The following TMEM131 variants were observed in gnomAD, a reference collection of about 807,000 sequenced individuals.
TMEM131 encodes 2610524E03Rik.
TMEM131 carries 66 observed loss-of-function variants against 211.6 expected under a neutral mutation model. The ratio of observed to expected loss-of-function variants is 0.31; its 90% CI spans 0.26 to 0.38. The LOEUF is 0.38. Ranked by LOEUF, TMEM131 falls within the 10% of genes least tolerant of loss-of-function variation. TMEM131 has a pLI of 1.00. For synonymous variants in TMEM131, 844 were observed against 841.3 expected, an observed-to-expected ratio of 1.00 and a Z score of -0.06; for missense variants, 2,036 against 2,299.3, an observed-to-expected ratio of 0.89 and a Z score of 2.34.
chr2:97,921,079 A>G (rs1676722309), intron 2 of TMEM131, among the ~76,000 whole-genome samples: 1 of 152,098 alleles, frequency 6.6e-6, no homozygotes, highest in Non-Finnish European at 1.5e-5. Context: ...GAAGAATAAC[A>G]AAGTGTCAGG....
At chr2:97,761,017 G>T in intron 36 of TMEM131, 103 bp from the exon 37 acceptor site, 1 of 1,485,050 alleles carries the variant, frequency 6.7e-7, no homozygotes, top group Non-Finnish European at 9.2e-7. Flanking sequence ...CTTCTCTGCA[G>T]CGGGGCAGCT....
intron 11 of TMEM131, among the ~76,000 whole-genome samples, chr2:97,831,046 C>G (rs1015702330): frequency 6.6e-6 from 1 of 152,182 alleles, no homozygotes; most frequent in Admixed American, 6.5e-5. Context: ...GCTCTGAAAA[C>G]TCAGTTTCCA....
chr2:97,886,220 C>T (rs1675151106), intron 4 of TMEM131, among the ~76,000 whole-genome samples: 1 of 152,018 alleles, frequency 6.6e-6, no homozygotes, highest in Non-Finnish European at 1.5e-5. Context: ...CACTGAGATT[C>T]TTTAAGATTA....
chr2:97,810,917 T>C (rs1427734091), intron 18 of TMEM131, among the ~76,000 whole-genome samples: 1 of 152,220 alleles, frequency 6.6e-6, no homozygotes, highest in Non-Finnish European at 1.5e-5. Context: ...CTGAAGTTGC[T>C]TTTTAGGTTA....
chr2:97,833,999 TA>T (rs1421857733), intron 10 of TMEM131, among the ~76,000 whole-genome samples: 4 of 152,332 alleles, frequency 2.6e-5, no homozygotes, highest in Admixed American at 2.6e-4. Flanking sequence ...CAGACATTAC[TA>T]ATCTTTTAGC....
chr2:97,957,683 C>T (rs1226431436), intron 1 of TMEM131, among the ~76,000 whole-genome samples: 1 of 152,078 alleles, frequency 6.6e-6, no homozygotes, highest in Non-Finnish European at 1.5e-5. Flanking sequence ...ACTTCTATTC[C>T]AAAGGACAAA....
chr2:97,914,589 A>AG, intron 2 of TMEM131, among the ~76,000 whole-genome samples: 1 of 152,168 alleles, frequency 6.6e-6, no homozygotes, highest in East Asian at 1.9e-4. Context: ...CATGACTAAA[A>AG]TTTTTTCATT....
At chr2:97,791,178 T>TA (rs1680483408) in intron 31 of TMEM131, among the ~76,000 whole-genome samples, 2 of 152,244 alleles carry the variant, frequency 1.3e-5, no homozygotes, top group African/African-American at 4.8e-5. Context: ...TACTGGTTTT[T>TA]ACCTTTTGAT....
chr2:97,868,092 T>C (rs1171490653), intron 4 of TMEM131, among the ~76,000 whole-genome samples: 1 of 152,222 alleles, frequency 6.6e-6, no homozygotes, highest in Non-Finnish European at 1.5e-5. Flanking sequence ...GGAAGCTCCA[T>C]TGTTAGATGC....
At chr2:97,891,540 A>C (rs1675375486) in intron 3 of TMEM131, among the ~76,000 whole-genome samples, 1 of 152,134 alleles carries the variant, frequency 6.6e-6, no homozygotes, top group Non-Finnish European at 1.5e-5. Context: ...GAGATGAATG[A>C]AGACTATTTT....
At chr2:97,766,423 G>A (rs895438) in intron 34 of TMEM131, 55 bp downstream of exon 34, 562,876 of 1,610,342 alleles carry the variant, frequency 0.35, 110,598 homozygotes, top group Non-Finnish European at 0.4. Flanking sequence ...TTGTTAATAC[G>A]GTGCACTATG....
At chr2:97,938,543 C>T (rs1348695686) in intron 1 of TMEM131, among the ~76,000 whole-genome samples, 1 of 152,126 alleles carries the variant, frequency 6.6e-6, no homozygotes, top group Non-Finnish European at 1.5e-5. Context: ...CCTTAGACAC[C>T]TACAAAGAGA....
At chr2:97,762,288 A>G (rs547233709) in intron 35 of TMEM131, 88 bp from the exon 36 acceptor site, 9 of 1,334,354 alleles carry the variant, frequency 6.7e-6, no homozygotes, top group African/African-American at 1.5e-5. Flanking sequence ...AAGACTATGC[A>G]TAACTCAAGC....
At chr2:97,879,301 G>A (rs1674825829) in intron 4 of TMEM131, among the ~76,000 whole-genome samples, 1 of 152,208 alleles carries the variant, frequency 6.6e-6, no homozygotes, top group South Asian at 2.1e-4. Flanking sequence ...ACTCCTGGTG[G>A]TGTTAGAGCA....
At position 97,849,038 on chromosome 2, in the gene TMEM131, T is replaced by C. The variant is rs185169565; in HGVS notation, c.484-4777A>G. Among the ~76,000 whole-genome samples, 14 of 152,218 alleles carry C rather than the reference T, an allele frequency of 9.2e-5. No individual in the cohort carries two copies. In the East Asian group the frequency reaches 2.5e-3, roughly 27 times the overall value. On this transcript the variant is annotated intron_variant, in intron 5 of 40. Coordinates refer to ENST00000186436, the MANE Select transcript of TMEM131 (RefSeq NM_015348.2). The stretch of plus-strand genomic sequence containing the variant: ...CACTTCACCAAAGAAAACATATGGA[T>C]GGCAAATAAAAAGATGCTCAAAATC...
chr2:97,827,435 C>T, intron 11 of TMEM131: 1 of 1,049,644 alleles, frequency 9.5e-7, no homozygotes, highest in Non-Finnish European at 1.5e-6. Flanking sequence ...GGAAAACAGG[C>T]CGAAGTGGCT....
chr2:97,845,789 G>A (rs150292159), intron 5 of TMEM131, among the ~76,000 whole-genome samples: 111 of 146,290 alleles, frequency 7.6e-4, no homozygotes, highest in African/African-American at 2.6e-3. Context: ...TAAAACCGAA[G>A]CTGGTGCCTC....
Position 97,921,451 on chromosome 2 carries a change from G to A in TMEM131, c.249+5975C>T, listed in dbSNP as rs552415576. ...CTTGGGATAGAAAAACATTGAACAA[G>A]ACACAAAATAAAAAAGTATTAACCA... On this transcript the variant is annotated intron_variant, in intron 2 of 40. Transcript: ENST00000186436. Among the ~76,000 whole-genome samples the A allele has an allele frequency of 5.9e-5, 9 of 152,198 alleles. No homozygotes were observed. The East Asian group carries it at 1.7e-3, about 29-fold the overall frequency.
intron 5 of TMEM131, among the ~76,000 whole-genome samples, chr2:97,858,084 A>G (rs968665358): frequency 1.6e-4 from 24 of 152,354 alleles, no homozygotes; most frequent in African/African-American, 5.8e-4. Context: ...ATTTTACTCT[A>G]AAGTAAACAA....
Sources: gnomAD v4.1 joint callset for allele counts (sites outside exome capture counted in the v4.1 genomes callset) on GRCh38, gnomAD v4.1.1 for gene constraint, MANE v1.5 for transcripts, NCBI Gene and HGNC (gene_info 2026-07-23, HGNC 2026-07-21) for gene names.